Variants in ADAM17 observed in about 807,000 individuals in gnomAD.
ADAM17 encodes ADAM metallopeptidase domain 17.
Under a neutral mutation model 96.7 loss-of-function variants are expected in ADAM17, and 39 were observed. The ratio of observed to expected loss-of-function variants is 0.40; its 90% confidence interval spans 0.31 to 0.53. The LOEUF is 0.53. Among genes scored for constraint, ADAM17 ranks in the 20% least tolerant of loss-of-function variants. The pLI is 0.44. For missense variants in ADAM17, 777 were observed against 1,013.2 expected, an observed-to-expected ratio of 0.77 and a Z score of 3.17; for synonymous variants, 344 against 359.2, an observed-to-expected ratio of 0.96 and a Z score of 0.48.
intron 2 of ADAM17, among the ~76,000 whole-genome samples, chr2:9,542,279 C>T (rs1161876462): frequency 1.3e-5 from 2 of 150,300 alleles, no homozygotes; most frequent in East Asian, 4.0e-4. Flanking sequence ...GTGGCTCACA[C>T]CTGTAATCCC....
chr2:9,511,335 G>A (rs544928226), intron 10 of ADAM17, among the ~76,000 whole-genome samples: 19 of 151,834 alleles, frequency 1.3e-4, no homozygotes, highest in African/African-American at 3.4e-4. Flanking sequence ...CTGTAATCCC[G>A]GCTACTCGGG....
chr2:9,499,618 G>A (rs1223859960), intron 13 of ADAM17, among the ~76,000 whole-genome samples: 1 of 152,092 alleles, frequency 6.6e-6, no homozygotes, highest in East Asian at 1.9e-4. Flanking sequence ...TAGCCAGGAT[G>A]GTCTCGATCT....
intron 5 of ADAM17, 123 bp downstream of exon 5, chr2:9,527,663 T>C (rs1182089686): frequency 4.5e-6 from 3 of 660,426 alleles, no homozygotes; most frequent in Non-Finnish European, 6.7e-6. Context: ...AACCTCTTAT[T>C]TTCATGCCAA....
intron 2 of ADAM17, among the ~76,000 whole-genome samples, chr2:9,541,872 C>T (rs1558524772): frequency 2.0e-5 from 3 of 151,728 alleles, no homozygotes; most frequent in Non-Finnish European, 2.9e-5. Flanking sequence ...AACTCTGTCT[C>T]TACTAAAAAT....
chr2:9,510,195 TG>T, intron 10 of ADAM17, 64 bp from the exon 11 acceptor site: 2 of 1,571,322 alleles, frequency 1.3e-6, no homozygotes, highest in Non-Finnish European at 1.7e-6. Flanking sequence ...TTCTGCCAGT[TG>T]GGCCTATGCT....
chr2:9,547,053 G>C (rs1173023438), intron 1 of ADAM17, among the ~76,000 whole-genome samples: 1 of 152,200 alleles, frequency 6.6e-6, no homozygotes, highest in Non-Finnish European at 1.5e-5. Context: ...CTTCTCTCTA[G>C]AATGAGAGCA....
Position 9,545,842 on chromosome 2 carries a change from C to T in ADAM17, c.98-2557G>A, listed in dbSNP as rs111497608. Among the ~76,000 whole-genome samples the T allele has an allele frequency of 2.2e-3, 334 of 151,954 alleles. 2 individuals are homozygous for T. Among genetic ancestry groups the T allele is most frequent in the African/African-American group, 7.5e-3 (309 of 41,456 alleles). On this transcript the variant is annotated intron_variant, in intron 1 of 18. Transcript: ENST00000310823. ...AGGGCGGTGGCTCGCTCCTGTAATCCCAGCACTTTGGGAGGTCAAGGTGAG... is the reference window on the plus strand; with the variant it reads ...AGGGCGGTGGCTCGCTCCTGTAATCTCAGCACTTTGGGAGGTCAAGGTGAG...
intron 10 of ADAM17, among the ~76,000 whole-genome samples, chr2:9,516,166 T>C (rs1664046153): frequency 6.6e-6 from 1 of 152,240 alleles, no homozygotes; most frequent in Non-Finnish European, 1.5e-5. Flanking sequence ...TCTGTTCTGC[T>C]CTTTTGTCTG....
At chr2:9,498,178 C>T (rs760513618) in intron 13 of ADAM17, among the ~76,000 whole-genome samples, 1 of 151,994 alleles carries the variant, frequency 6.6e-6, no homozygotes, top group South Asian at 2.1e-4. Context: ...TTCAGGCGTA[C>T]GCCACCATAC....
chr2:9,539,947 TTAGA>T (rs1321503864), intron 2 of ADAM17, among the ~76,000 whole-genome samples: 1 of 152,236 alleles, frequency 6.6e-6, no homozygotes, highest in African/African-American at 2.4e-5. Context: ...CCATAGACTG[TTAGA>T]TAAATTTCCC....
At chr2:9,523,473 A>C in intron 6 of ADAM17, 135 bp from the exon 7 acceptor site, 1 of 676,940 alleles carries the variant, frequency 1.5e-6, no homozygotes. Context: ...CGCAAAAACT[A>C]GCATTGAGAT....
intron 10 of ADAM17, among the ~76,000 whole-genome samples, chr2:9,514,277 T>A (rs1238107879): frequency 7.3e-6 from 1 of 137,518 alleles, no homozygotes; most frequent in Middle Eastern, 3.7e-3. Flanking sequence ...AAACACCGCA[T>A]GTTCTCACTC....
At chr2:9,552,809 T>C (rs969481005) in intron 1 of ADAM17, among the ~76,000 whole-genome samples, 27 of 152,198 alleles carry the variant, frequency 1.8e-4, no homozygotes, top group African/African-American at 6.5e-4. Context: ...AACAGTTCAA[T>C]TGAAATCATT....
At chr2:9,547,767 A>G (rs60520499) in intron 1 of ADAM17, among the ~76,000 whole-genome samples, 10,203 of 152,144 alleles carry the variant, frequency 0.067, 1,199 homozygotes, top group African/African-American at 0.23. Context: ...ATTTCATTAT[A>G]GGCCAGCTGT....
Position 9,520,964 on chromosome 2 carries a change from C to CAAAAAAAAAAAAAAAAAA in ADAM17, c.957+221_957+238dup, listed in dbSNP as rs55909096. On this transcript the variant is annotated intron_variant, in intron 8 of 18. Transcript: ENST00000310823. ...GGGCAACAAGAGTGAAACTCTGTCT[C>CAAAAAAAAAAAAAAAAAA]AAAAAAAAAAAAAAAAAAAAAAGGA... is the stretch of plus-strand genomic sequence containing the variant. Among the ~76,000 whole-genome samples, 36 of 26,260 alleles carry CAAAAAAAAAAAAAAAAAA rather than the reference C, an allele frequency of 1.4e-3. 1 individual carries two copies. Among genetic ancestry groups the CAAAAAAAAAAAAAAAAAA allele is most frequent in the Middle Eastern group, 0.05 (1 of 20 alleles). The allele number at this position is 26,260 out of a possible 152,430, so 17.2% of individuals were successfully genotyped here.
At position 9,526,187 on chromosome 2, in the gene ADAM17, T is replaced by C. The variant is rs1664517230; in HGVS notation, c.677A>G (p.Lys226Arg). The C allele has an allele frequency of 1.2e-6, 2 of 1,613,732 alleles. No individual in the cohort carries two copies. Among genetic ancestry groups the C allele is most frequent in the Non-Finnish European group, 1.7e-6 (2 of 1,179,814 alleles). ...GCGATGATCTGCTACCACCAATAAT[T>C]TACACGTGTTCTTCATGGGATCTGG... Reference protein sequence around the residue: ...ADPDPMKNTCKLLVVADHRFY... With the variant: ...ADPDPMKNTCRLLVVADHRFY... Residue 226 changes from lysine (K) to arginine (R), a missense_variant, in exon 6 of 19, where the codon AAA becomes AGA. Transcript: ENST00000310823.
At chr2:9,499,519 A>G (rs1341209485) in intron 13 of ADAM17, among the ~76,000 whole-genome samples, 2 of 151,902 alleles carry the variant, frequency 1.3e-5, no homozygotes, top group Non-Finnish European at 2.9e-5. Flanking sequence ...CTCCTGCCTC[A>G]GCCTCCCAAG....
intron 4 of ADAM17, among the ~76,000 whole-genome samples, chr2:9,531,798 C>T (rs1664750479): frequency 6.6e-6 from 1 of 151,804 alleles, no homozygotes; most frequent in Non-Finnish European, 1.5e-5. Context: ...AAGTCAGTGA[C>T]GGTTTAAAAT....
At chr2:9,555,481 GC>G (rs1665716040) in intron 1 of ADAM17, 27 bp downstream of exon 1, 6 of 1,541,928 alleles carry the variant, frequency 3.9e-6, no homozygotes, top group Non-Finnish European at 5.3e-6. Flanking sequence ...CCAGGCGCCG[GC>G]CTAAGCCAAC....
Sources: gnomAD v4.1 joint callset for allele counts (sites outside exome capture counted in the v4.1 genomes callset) on GRCh38, gnomAD v4.1.1 for gene constraint, MANE v1.5 for transcripts, NCBI Gene and HGNC (gene_info 2026-07-23, HGNC 2026-07-21) for gene names.